Variants in NEDD4L observed in about 807,000 individuals in gnomAD.
NEDD4L encodes NEDD4 like E3 ubiquitin protein ligase.
Under a neutral mutation model 148.9 loss-of-function variants are expected in NEDD4L, and 54 were observed. The observed-to-expected ratio is 0.36, with a 90% CI of 0.29 to 0.45. The LOEUF (loss-of-function observed/expected upper bound fraction) is 0.45. NEDD4L is among the 20% of genes least tolerant of loss of function. The probability of loss-of-function intolerance (pLI) is 1.00; values close to 1 mark genes in which losing one functional copy is unlikely to be tolerated. For missense variants in NEDD4L, 856 were observed against 1,233.8 expected (o/e 0.69, Z 4.59); for synonymous variants, 433 against 440.7 (o/e 0.98, Z 0.22).
Position 58,300,314 on chromosome 18 carries a change from A to G in NEDD4L, c.298-15668A>G, listed in dbSNP as rs190010964. 8.0e-4 allele frequency among the ~76,000 whole-genome samples: 122 copies of G among 152,338 alleles called. 1 individual carries two copies. Among genetic ancestry groups the G allele is most frequent in the Admixed American group, 5.9e-3 (90 of 15,294 alleles). ...GCTTAAAATTAATTGTGTGATGCAAATAGGAGGGTTACCACCCCAAGCTTA... is the reference window on the plus strand; with the variant it reads ...GCTTAAAATTAATTGTGTGATGCAAGTAGGAGGGTTACCACCCCAAGCTTA... On this transcript the variant is annotated intron_variant, in intron 5 of 30. Transcript: ENST00000400345.
rs538289572 is a variant in NEDD4L, at chr18:58,327,285, T to C, written c.681-1710T>C. Among the ~76,000 whole-genome samples, 3 of 152,320 alleles carry C rather than the reference T, an allele frequency of 2.0e-5. No individual in the cohort carries two copies. In the South Asian group the frequency reaches 6.2e-4, roughly 32 times the overall value. The stretch of plus-strand genomic sequence containing the variant: ...GCTAATGTTTGTATTTTTGTGAAGA[T>C]GGGGTTTCACTGGCTTGGTCAAGCT... On this transcript the variant is annotated intron_variant, in intron 9 of 30. Coordinates refer to ENST00000400345, the MANE Select transcript of NEDD4L (RefSeq NM_001144967.3).
intron 5 of NEDD4L, among the ~76,000 whole-genome samples, chr18:58,263,660 C>CTTTTTTTTTTTTTTTTTT (rs71173041): frequency 9.6e-6 from 1 of 103,724 alleles, no homozygotes; most frequent in African/African-American, 3.7e-5. Context: ...ACTTCTTAGG[C>CTTTTTTTTTTTTTTTTTT]TTTTTTTTTT....
At position 58,206,209 on chromosome 18, in the gene NEDD4L, C is replaced by T. The variant is rs986438231; in HGVS notation, c.123-39218C>T. ...TTCGGGACCAGCCTGACCAACGTGGCGAAACCCTGTCTCTACTAAAAATAC... is the reference window on the plus strand; with the variant it reads ...TTCGGGACCAGCCTGACCAACGTGGTGAAACCCTGTCTCTACTAAAAATAC... On this transcript the variant is annotated intron_variant, in intron 2 of 30. Transcript: ENST00000400345. Among the ~76,000 whole-genome samples the T allele has an allele frequency of 2.6e-5, 4 of 151,856 alleles. No individual in the cohort carries two copies. The South Asian group carries it at 8.3e-4, about 32-fold the overall frequency.
In NEDD4L at chr18:58,106,294, C is replaced by T. The variant is rs373183047; in HGVS notation, c.49-59494C>T. ...TTGTACCTACTCTTAAGTCTTGCCC[C>T]TTCAACTCCAGCTCAGGCTTTTTAA... On this transcript the variant is annotated intron_variant, in intron 1 of 30. Transcript: ENST00000400345. Among the ~76,000 whole-genome samples, 266 of 152,358 alleles carry T rather than the reference C, an allele frequency of 1.7e-3. 1 individual carries two copies. Among genetic ancestry groups the T allele is most frequent in the African/African-American group, 6.1e-3 (253 of 41,586 alleles).
intron 2 of NEDD4L, among the ~76,000 whole-genome samples, chr18:58,216,126 A>G (rs1029828109): frequency 1.3e-5 from 2 of 152,168 alleles, no homozygotes; most frequent in African/African-American, 2.4e-5. Flanking sequence ...TTATGTTGCA[A>G]TCAGCACAAA....
intron 1 of NEDD4L, among the ~76,000 whole-genome samples, chr18:58,144,790 CAG>C (rs1336183758): frequency 5.9e-5 from 9 of 152,332 alleles, no homozygotes; most frequent in Admixed American, 1.3e-4. Context: ...TGGACAGACT[CAG>C]GGGCAGGTGT....
chr18:58,291,723 T>G (rs571904107), intron 5 of NEDD4L, among the ~76,000 whole-genome samples: 6 of 152,344 alleles, frequency 3.9e-5, no homozygotes, highest in Admixed American at 1.3e-4. Context: ...TAGATGAAAC[T>G]AATTAAGGAC....
chr18:58,145,616 G>A (rs891267704), intron 1 of NEDD4L, among the ~76,000 whole-genome samples: 2 of 147,296 alleles, frequency 1.4e-5, no homozygotes, highest in Non-Finnish European at 1.5e-5. Flanking sequence ...ACCTATGGAT[G>A]TTTAAGGAAT....
At position 58,390,667 on chromosome 18, in the gene NEDD4L, GA is replaced by G; in HGVS notation, c.2681del (p.Lys894SerfsTer17). 1.3e-6 allele frequency: 2 copies of G among 1,591,456 alleles called. No homozygotes were observed. The highest frequency in any genetic ancestry group is 2.3e-5 in the East Asian group (1 of 44,112). ...ATAGGCTGTGCTACTCATGGACGCCGAAAAGCGTATCCGGTTACTGCAGTTT... is the reference window on the plus strand; with the variant it reads ...ATAGGCTGTGCTACTCATGGACGCCGAAAGCGTATCCGGTTACTGCAGTTT... ...FWKAVLLMDA[E>X]KRIRLLQFVT... On this transcript the variant is annotated frameshift_variant, in exon 29 of 31. Coordinates refer to ENST00000400345, the MANE Select transcript of NEDD4L (RefSeq NM_001144967.3). LOFTEE classifies it high-confidence loss of function.
In NEDD4L at chr18:58,327,434, G is replaced by A. The variant is rs2059406596; in HGVS notation, c.681-1561G>A. Among the ~76,000 whole-genome samples the A allele has an allele frequency of 2.0e-5, 3 of 152,324 alleles. 1 individual carries two copies. The South Asian group carries it at 6.2e-4, about 32-fold the overall frequency. Reference sequence around the variant, plus strand: ...TCTTAATCCAAGTTCGGGCTCACATGTAGTTTTGGGAGAAGGCAGAGGCAT... The same window carrying A: ...TCTTAATCCAAGTTCGGGCTCACATATAGTTTTGGGAGAAGGCAGAGGCAT... On this transcript the variant is annotated intron_variant, in intron 9 of 30. Coordinates refer to ENST00000400345, the MANE Select transcript of NEDD4L (RefSeq NM_001144967.3).
intron 1 of NEDD4L, among the ~76,000 whole-genome samples, chr18:58,108,674 GC>G (rs1263604688): frequency 6.6e-6 from 1 of 152,112 alleles, no homozygotes; most frequent in Admixed American, 6.5e-5. Context: ...ACCCACCTCG[GC>G]CCCCCAAAGT....
At chr18:58,261,380 C>T (rs1236654237) in intron 5 of NEDD4L, among the ~76,000 whole-genome samples, 2 of 152,132 alleles carry the variant, frequency 1.3e-5, no homozygotes. Context: ...TTGGTATAGA[C>T]TGAGGCTTTT....
At chr18:58,135,367 G>C (rs916312294) in intron 1 of NEDD4L, among the ~76,000 whole-genome samples, 1 of 152,152 alleles carries the variant, frequency 6.6e-6, no homozygotes, top group Non-Finnish European at 1.5e-5. Flanking sequence ...TCTTACTCAG[G>C]GAATGTGCCT....
At chr18:58,056,924 T>A (rs1459743253) in intron 1 of NEDD4L, among the ~76,000 whole-genome samples, 2 of 149,832 alleles carry the variant, frequency 1.3e-5, no homozygotes, top group Non-Finnish European at 3.0e-5. Context: ...TGTTTGTTTA[T>A]AACTGTGTAC....
In NEDD4L at chr18:58,252,021, A is replaced by G. The variant is rs2047999945; in HGVS notation, c.264A>G (p.Arg88=). 4.4e-6 allele frequency: 7 copies of G among 1,591,476 alleles called. No individual in the cohort carries two copies. The highest frequency in any genetic ancestry group is 6.0e-6 in the Non-Finnish European group (7 of 1,159,762). The change falls in exon 5 of 31, where the codon AGA becomes AGG. Residue 88 remains arginine (R), a synonymous_variant. Transcript: ENST00000400345. ...FYFRVNPSNH[R]LLFEVFDENR... The stretch of plus-strand genomic sequence containing the variant: ...TATAGGTAAACCCATCTAATCACAG[A>G]CTCCTATTTGAAGTATTTGACGAAA...
chr18:58,121,228 A>G (rs902506655), intron 1 of NEDD4L, among the ~76,000 whole-genome samples: 1 of 152,126 alleles, frequency 6.6e-6, no homozygotes, highest in African/African-American at 2.4e-5. Context: ...GTGTGTTATT[A>G]GGATCTTGGA....
chr18:58,334,706 G>T (rs1480455058), intron 12 of NEDD4L, among the ~76,000 whole-genome samples: 1 of 152,118 alleles, frequency 6.6e-6, no homozygotes, highest in Non-Finnish European at 1.5e-5. Context: ...TGCATTTAAG[G>T]TTTTTGAAAT....
rs532769856 is a variant in NEDD4L, at chr18:58,188,492, T to C, written c.122+22631T>C. 1.4e-4 allele frequency among the ~76,000 whole-genome samples: 22 copies of C among 152,332 alleles called. No individual in the cohort carries two copies. In the East Asian group the frequency reaches 3.9e-3, roughly 27 times the overall value. On this transcript the variant is annotated intron_variant, in intron 2 of 30. Coordinates refer to ENST00000400345, the MANE Select transcript of NEDD4L (RefSeq NM_001144967.3). Reference sequence around the variant, plus strand: ...AGAGTCTGGGAGGCTGCTTGTTCCCTCAAGGACCTGAAGTGACATGGGGAG... The same window carrying C: ...AGAGTCTGGGAGGCTGCTTGTTCCCCCAAGGACCTGAAGTGACATGGGGAG...
chr18:58,205,471 C>T (rs1477386263), intron 2 of NEDD4L, among the ~76,000 whole-genome samples: 3 of 151,496 alleles, frequency 2.0e-5, no homozygotes, highest in Non-Finnish European at 4.4e-5. Context: ...GTAGCTTGGG[C>T]TATTTTGACT....
Sources: allele counts gnomAD v4.1 joint callset (sites outside exome capture counted in the v4.1 genomes callset), GRCh38; gene constraint gnomAD v4.1.1; transcripts MANE v1.5; gene names NCBI Gene and HGNC (gene_info 2026-07-23, HGNC 2026-07-21).